ELAPOR1: variants seen among roughly 807,000 people sequenced by gnomAD.
ELAPOR1 encodes the protein endosome/lysosome-associated apoptosis and autophagy regulator 1.
In ELAPOR1, 77 loss-of-function variants were observed where a neutral mutation model predicts 119.7. The ratio of observed to expected loss-of-function variants is 0.64; its 90% CI spans 0.54 to 0.78. ELAPOR1 has a LOEUF of 0.78. Ranked by LOEUF, ELAPOR1 falls within the 30% of genes least tolerant of loss-of-function variation. The probability of loss-of-function intolerance (pLI) is 0.00; values close to 1 mark genes in which losing one functional copy is unlikely to be tolerated. For synonymous variants in ELAPOR1, 481 were observed against 487.2 expected (o/e 0.99, Z 0.17); for missense variants, 1,115 against 1,270.4 (o/e 0.88, Z 1.86).
intron 1 of ELAPOR1, among the ~76,000 whole-genome samples, chr1:109,132,680 G>A (rs1462925270): frequency 6.6e-6 from 1 of 152,140 alleles, no homozygotes; most frequent in Non-Finnish European, 1.5e-5. Flanking sequence ...GCAAGGGTAG[G>A]GATCAGCACA....
intron 1 of ELAPOR1, among the ~76,000 whole-genome samples, chr1:109,120,020 G>A (rs1648290359): frequency 6.6e-6 from 1 of 152,138 alleles, no homozygotes; most frequent in African/African-American, 2.4e-5. Context: ...TTCATACATT[G>A]ATACCTAATC....
chr1:109,146,392 A>G (rs1400568245), intron 1 of ELAPOR1, among the ~76,000 whole-genome samples: 1 of 152,114 alleles, frequency 6.6e-6, no homozygotes, highest in Non-Finnish European at 1.5e-5. Flanking sequence ...AGATAAATCC[A>G]TATCTAGATA....
chr1:109,150,569 C>T (rs1436200434), intron 1 of ELAPOR1, among the ~76,000 whole-genome samples: 1 of 152,176 alleles, frequency 6.6e-6, no homozygotes, highest in Non-Finnish European at 1.5e-5. Context: ...ACCCTTGACC[C>T]TATGCGTCTG....
rs1647828576 is a variant in ELAPOR1, at chr1:109,114,318, G to C, written c.135G>C (p.Glu45Asp). Residue 45 changes from glutamate to aspartate, a missense_variant, in exon 1 of 22, where the codon GAG becomes GAC. Physicochemically the swap from Glu to Asp is conservative, Grantham distance 45. Transcript: ENST00000369939. The stretch of plus-strand genomic sequence containing the variant: ...AGGTGACCCAGGGAACGGGACCGGA[G>C]CTTCATGCCTGCAAAGAGGTACTGC... ...AFQVTQGTGP[E>D]LHACKESEYH... is the part of the protein sequence containing the mutation. 1 of 1,598,978 alleles carries C rather than the reference G, an allele frequency of 6.3e-7. No homozygotes were observed. Among genetic ancestry groups the C allele is most frequent in the Non-Finnish European group, 8.5e-7 (1 of 1,172,918 alleles).
At chr1:109,126,558 C>G (rs1648794544) in intron 1 of ELAPOR1, among the ~76,000 whole-genome samples, 1 of 152,096 alleles carries the variant, frequency 6.6e-6, no homozygotes, top group South Asian at 2.1e-4. Context: ...GCAACATTCG[C>G]CTCCTGGGTT....
chr1:109,156,146 A>C (rs1403942434), intron 1 of ELAPOR1, among the ~76,000 whole-genome samples: 1 of 152,066 alleles, frequency 6.6e-6, no homozygotes, highest in Non-Finnish European at 1.5e-5. Context: ...CACCATCTCT[A>C]AATATATATA....
intron 1 of ELAPOR1, among the ~76,000 whole-genome samples, chr1:109,120,395 TTAAAATAAAATAAAA>T (rs111497710): frequency 2.0e-5 from 3 of 147,792 alleles, no homozygotes; most frequent in African/African-American, 5.1e-5. Flanking sequence ...AGACTCTGTC[TTAAAATAAAATAAAA>T]TAAAATAAAA....
intron 7 of ELAPOR1, among the ~76,000 whole-genome samples, chr1:109,179,127 G>T (rs1046549972): frequency 6.6e-6 from 1 of 151,982 alleles, no homozygotes; most frequent in Non-Finnish European, 1.5e-5. Context: ...AGGGCCAGGC[G>T]CAGTGGCTCA....
intron 11 of ELAPOR1, 27 bp downstream of exon 11, chr1:109,189,709 C>A (rs2101108199): frequency 6.3e-7 from 1 of 1,581,900 alleles, no homozygotes; most frequent in East Asian, 2.2e-5. Flanking sequence ...CCAGGGGAGT[C>A]CAGGCCAGCT....
intron 11 of ELAPOR1, 40 bp from the exon 12 acceptor site, chr1:109,191,326 C>A: frequency 1.4e-6 from 2 of 1,438,626 alleles, no homozygotes; most frequent in Non-Finnish European, 2.0e-6. Context: ...ATAAGCACTG[C>A]CTGGCCTTTA....
chr1:109,131,193 C>T (rs577842658), intron 1 of ELAPOR1, among the ~76,000 whole-genome samples: 144 of 152,300 alleles, frequency 9.5e-4, no homozygotes, highest in African/African-American at 3.2e-3. Context: ...CAAGCATGGC[C>T]TCCTCCATTG....
At chr1:109,173,444 T>C (rs1484061046) in intron 5 of ELAPOR1, 30 bp from the exon 6 acceptor site, 4 of 1,583,896 alleles carry the variant, frequency 2.5e-6, no homozygotes, top group Non-Finnish European at 8.7e-7. Flanking sequence ...TTCTCTGTGA[T>C]GAATGAATGC....
intron 14 of ELAPOR1, among the ~76,000 whole-genome samples, chr1:109,193,880 G>T (rs536754009): frequency 3.9e-5 from 6 of 152,304 alleles, no homozygotes; most frequent in Middle Eastern, 6.8e-3. Context: ...GTTGTGTGCG[G>T]CTACCGCTGA....
In ELAPOR1 at chr1:109,189,150, C is replaced by T. The variant is rs143784237; in HGVS notation, c.1304C>T (p.Thr435Met). The T allele has an allele frequency of 8.6e-5, 139 of 1,614,154 alleles. No individual in the cohort carries two copies. The highest frequency in any genetic ancestry group is 2.7e-4 in the Admixed American group (16 of 60,010). Residue 435 changes from threonine (T) to methionine (M), a missense_variant, in exon 10 of 22, where the codon ACG (threonine) becomes ATG (methionine). By Grantham distance (81) the Thr-to-Met change is moderately conservative. Coordinates refer to ENST00000369939, the MANE Select transcript of ELAPOR1 (RefSeq NM_020775.5). ...AACACGCTGCCCACAAACATGGAAACGACCGTTCTCAGTGGGATCAACTTC... is the reference window on the plus strand; with the variant it reads ...AACACGCTGCCCACAAACATGGAAATGACCGTTCTCAGTGGGATCAACTTC... ...WWNTLPTNME[T>M]TVLSGINFEY...
intron 14 of ELAPOR1, among the ~76,000 whole-genome samples, chr1:109,193,551 A>T (rs1332922110): frequency 6.6e-6 from 1 of 152,224 alleles, no homozygotes; most frequent in African/African-American, 2.4e-5. Flanking sequence ...AAGGCACATT[A>T]AAAAACTAAT....
At chr1:109,195,580 C>G (rs929161991) in intron 15 of ELAPOR1, among the ~76,000 whole-genome samples, 2 of 151,982 alleles carry the variant, frequency 1.3e-5, no homozygotes, top group African/African-American at 4.8e-5. Flanking sequence ...TTTTCCCTTG[C>G]TTGAAAAAGC....
chr1:109,124,377 T>A (rs1648643493), intron 1 of ELAPOR1, among the ~76,000 whole-genome samples: 1 of 152,306 alleles, frequency 6.6e-6, no homozygotes, highest in South Asian at 2.1e-4. Flanking sequence ...GCTGCAGGCT[T>A]GTGCCACCAC....
Position 109,204,951 on chromosome 1 carries a change from A to G in ELAPOR1, c.*1939A>G, listed in dbSNP as rs527389112. 6.6e-6 allele frequency: 1 copy of G among 152,332 alleles called. No individual in the cohort carries two copies. Among genetic ancestry groups the G allele is most frequent in the South Asian group, 2.1e-4 (1 of 4,830 alleles). The allele number at this position is 152,332 out of a possible 1,614,324, so 9.4% of individuals were successfully genotyped here. A position where few individuals can be genotyped will look rare whatever the true frequency, so the allele number is the denominator to read the frequency against. ...GGATACTTCTCACTATTAAGCCCCT[A>G]TCTTTCTCTTTTTTTCATTCTCAAT... On this transcript the variant is annotated 3_prime_UTR_variant, in exon 22 of 22. Transcript: ENST00000369939.
chr1:109,175,684 C>G (rs77407926), intron 7 of ELAPOR1, among the ~76,000 whole-genome samples: 1 of 149,662 alleles, frequency 6.7e-6, no homozygotes. Flanking sequence ...AAAATTAGCC[C>G]GGCGTGGGGG....
Sources: allele counts gnomAD v4.1 joint callset (sites outside exome capture counted in the v4.1 genomes callset), GRCh38; gene constraint gnomAD v4.1.1; transcripts MANE v1.5; gene names NCBI Gene and HGNC (gene_info 2026-07-23, HGNC 2026-07-21).